SLIT3: variants seen among roughly 807,000 people sequenced by gnomAD.
SLIT3 encodes the protein slit homolog 3 protein.
In SLIT3, 68 loss-of-function variants were observed where a neutral mutation model predicts 184.0. The ratio of observed to expected loss-of-function variants is 0.37; its 90% CI spans 0.30 to 0.45. The LOEUF (loss-of-function observed/expected upper bound fraction) is 0.45. Ranked by LOEUF, SLIT3 falls within the 20% of genes least tolerant of loss-of-function variation. The pLI is 1.00. For missense variants in SLIT3, 1,707 were observed against 2,026.0 expected, an observed-to-expected ratio of 0.84 and a Z score of 3.02; for synonymous variants, 831 against 828.6, an observed-to-expected ratio of 1.00 and a Z score of -0.05.
At chr5:168,933,165 A>G (rs987720747) in intron 4 of SLIT3, among the ~76,000 whole-genome samples, 1 of 152,190 alleles carries the variant, frequency 6.6e-6, no homozygotes, top group Non-Finnish European at 1.5e-5. Flanking sequence ...GGGTGAGGGT[A>G]TTTAATAACA....
At chr5:168,732,208 G>A (rs1490715118) in intron 20 of SLIT3, among the ~76,000 whole-genome samples, 1 of 151,390 alleles carries the variant, frequency 6.6e-6, no homozygotes, top group Admixed American at 6.6e-5. Context: ...GCTAAGACAA[G>A]GACAAAAACA....
At chr5:169,070,714 A>C (rs1260323754) in intron 4 of SLIT3, among the ~76,000 whole-genome samples, 1 of 151,184 alleles carries the variant, frequency 6.6e-6, no homozygotes, top group Non-Finnish European at 1.5e-5. Flanking sequence ...CAGATTCACC[A>C]CTTGAGTTCC....
At chr5:169,123,977 C>T (rs1760983877) in intron 4 of SLIT3, among the ~76,000 whole-genome samples, 1 of 152,206 alleles carries the variant, frequency 6.6e-6, no homozygotes, top group Non-Finnish European at 1.5e-5. Flanking sequence ...TTCTCCACCA[C>T]AACCATGCTC....
rs1399227817 is a variant in SLIT3, at chr5:169,301,037, C to T, written c.-328G>A. The T allele has an allele frequency of 6.5e-6, 1 of 154,746 alleles. No homozygotes were observed. Among genetic ancestry groups the T allele is most frequent in the African/African-American group, 2.4e-5 (1 of 41,362 alleles). 9.6% of individuals were successfully genotyped at this position (154,746 alleles called of 1,614,324 possible). The stretch of plus-strand genomic sequence containing the variant: ...GGGGCGAGCGCAATGGGGCGTGGCG[C>T]CCGGGGAGGTCCGGCTTGGGGCTGG... On this transcript the variant is annotated 5_prime_UTR_variant, in exon 1 of 36. Transcript: ENST00000519560.
At chr5:168,904,121 C>G (rs916789889) in intron 4 of SLIT3, among the ~76,000 whole-genome samples, 2 of 152,164 alleles carry the variant, frequency 1.3e-5, no homozygotes, top group Non-Finnish European at 2.9e-5. Flanking sequence ...CAGCGCCCTC[C>G]TCATTCTCAC....
intron 27 of SLIT3, among the ~76,000 whole-genome samples, chr5:168,698,272 G>C (rs1762117799): frequency 6.6e-6 from 1 of 152,202 alleles, no homozygotes; most frequent in Admixed American, 6.5e-5. Flanking sequence ...ATCAGAACGT[G>C]ATCTTATTTT....
At chr5:169,284,440 T>C (rs1045056387) in intron 1 of SLIT3, among the ~76,000 whole-genome samples, 1 of 152,088 alleles carries the variant, frequency 6.6e-6, no homozygotes, top group African/African-American at 2.4e-5. Flanking sequence ...TAGCATTGCA[T>C]GAGTCATTGT....
intron 1 of SLIT3, among the ~76,000 whole-genome samples, chr5:169,287,456 T>C (rs552655654): frequency 6.6e-6 from 1 of 152,200 alleles, no homozygotes; most frequent in Non-Finnish European, 1.5e-5. Flanking sequence ...TGGCTCTGCA[T>C]GATCTTTGCA....
intron 4 of SLIT3, among the ~76,000 whole-genome samples, chr5:168,948,500 G>A (rs56166126): frequency 3.0e-4 from 46 of 152,136 alleles, no homozygotes; most frequent in Admixed American, 2.9e-3. Flanking sequence ...TTGTGAGGTC[G>A]GGAGACACTT....
Position 168,877,816 on chromosome 5 carries a change from A to G in SLIT3, c.485+5449T>C, listed in dbSNP as rs150745460. On this transcript the variant is annotated intron_variant, in intron 5 of 35. Transcript: ENST00000519560. ...CAGTCCTCGCAAATAGAAACTGAAA[A>G]ACAGAGGAAAACATAACTGCTGAGA... Among the ~76,000 whole-genome samples the G allele has an allele frequency of 6.7e-4, 102 of 152,242 alleles. 1 individual carries two copies. Among genetic ancestry groups the G allele is most frequent in the South Asian group, 6.6e-3 (32 of 4,822 alleles).
At chr5:168,856,144 T>A (rs6555832) in intron 5 of SLIT3, among the ~76,000 whole-genome samples, 21,029 of 152,010 alleles carry the variant, frequency 0.14, 1,706 homozygotes, top group East Asian at 0.25. Context: ...TAGATAAAAG[T>A]GATGGGTGCA....
At chr5:169,092,955 A>T (rs1759646073) in intron 4 of SLIT3, among the ~76,000 whole-genome samples, 3 of 152,186 alleles carry the variant, frequency 2.0e-5, no homozygotes, top group African/African-American at 7.2e-5. Context: ...TTCTAAGTGG[A>T]TGGAGGAAGT....
At chr5:169,059,130 C>T (rs1481403579) in intron 4 of SLIT3, among the ~76,000 whole-genome samples, 1 of 152,198 alleles carries the variant, frequency 6.6e-6, no homozygotes, top group South Asian at 2.1e-4. Context: ...CAGCTCTAGG[C>T]ATCCTTTGAC....
At chr5:168,689,949 A>G (rs1486672949) in intron 29 of SLIT3, among the ~76,000 whole-genome samples, 1 of 152,156 alleles carries the variant, frequency 6.6e-6, no homozygotes, top group Admixed American at 6.5e-5. Context: ...TATAAATACA[A>G]TATCTCAAGA....
chr5:169,067,899 A>T (rs553367512), intron 4 of SLIT3, among the ~76,000 whole-genome samples: 2 of 152,336 alleles, frequency 1.3e-5, no homozygotes, highest in Non-Finnish European at 2.9e-5. Flanking sequence ...AGGGCATCAA[A>T]CTGGGCTGGC....
chr5:168,984,630 C>T (rs1260989569), intron 4 of SLIT3, among the ~76,000 whole-genome samples: 1 of 152,184 alleles, frequency 6.6e-6, no homozygotes, highest in Admixed American at 6.5e-5. Context: ...CAGGGTAACT[C>T]TGAAAACCAC....
intron 4 of SLIT3, among the ~76,000 whole-genome samples, chr5:169,029,251 C>T (rs1756939479): frequency 3.3e-5 from 5 of 152,180 alleles, no homozygotes; most frequent in Admixed American, 3.3e-4. Context: ...CCACTTTCTC[C>T]GAGAAGACAT....
chr5:168,736,049 C>T (rs1051060893), intron 20 of SLIT3, among the ~76,000 whole-genome samples: 1 of 152,102 alleles, frequency 6.6e-6, no homozygotes, highest in African/African-American at 2.4e-5. Context: ...CTGGGAAATC[C>T]CCCTCTACTC....
At chr5:168,806,333 T>C (rs1447296005) in intron 9 of SLIT3, 113 bp downstream of exon 9, 1 of 1,171,046 alleles carries the variant, frequency 8.5e-7, no homozygotes, top group East Asian at 2.4e-5. Flanking sequence ...TGAGTGTTTT[T>C]AATGGTCAGC....
Sources: gnomAD v4.1 joint callset for allele counts (sites outside exome capture counted in the v4.1 genomes callset) on GRCh38, gnomAD v4.1.1 for gene constraint, MANE v1.5 for transcripts, NCBI Gene and HGNC (gene_info 2026-07-23, HGNC 2026-07-21) for gene names.